The following PRTFDC1 variants were observed in gnomAD, a reference collection of about 807,000 sequenced individuals.
PRTFDC1 encodes phosphoribosyl transferase domain containing 1.
Under a neutral mutation model 34.6 loss-of-function variants are expected in PRTFDC1, and 38 were observed. That is an observed-to-expected ratio of 1.10 (90% CI 0.85 to 1.44). The LOEUF is 1.44. Ranked by LOEUF, PRTFDC1 falls within the 40% of genes most tolerant of loss-of-function variation. The probability of loss-of-function intolerance (pLI) is 0.00; values close to 1 mark genes in which losing one functional copy is unlikely to be tolerated. For synonymous variants in PRTFDC1, 93 were observed against 98.1 expected (o/e 0.95, Z 0.31); for missense variants, 270 against 283.0 (o/e 0.95, Z 0.33).
chr10:24,872,936 T>A (rs1247731307), intron 3 of PRTFDC1, among the ~76,000 whole-genome samples: 1 of 150,908 alleles, frequency 6.6e-6, no homozygotes, highest in Non-Finnish European at 1.5e-5. Flanking sequence ...GCTTCCCAAG[T>A]AGCTGAGACT....
rs1273013648 is a variant in PRTFDC1 at position 24,849,053 on chromosome 10, C to A, written c.*791G>T. 1 of 152,210 alleles carries A rather than the reference C, an allele frequency of 6.6e-6. No homozygotes were observed. Among genetic ancestry groups the A allele is most frequent in the Non-Finnish European group, 1.5e-5 (1 of 68,042 alleles). 9.4% of individuals were successfully genotyped at this position (152,210 alleles called of 1,614,324 possible). ...GCATTGAAAGCACTCGCCCCTAATT[C>A]TGCCATTTGCTCATGTCCCACATGA... On this transcript the variant is annotated 3_prime_UTR_variant, in exon 9 of 9. Coordinates refer to ENST00000320152, the MANE Select transcript of PRTFDC1 (RefSeq NM_020200.7).
At chr10:24,890,949 G>C (rs1848250124) in intron 3 of PRTFDC1, among the ~76,000 whole-genome samples, 1 of 152,196 alleles carries the variant, frequency 6.6e-6, no homozygotes, top group Non-Finnish European at 1.5e-5. Context: ...TGGCGGAGGA[G>C]GTGGCAGATG....
At chr10:24,903,761 T>C (rs1028539318) in intron 3 of PRTFDC1, among the ~76,000 whole-genome samples, 9 of 151,612 alleles carry the variant, frequency 5.9e-5, no homozygotes, top group Non-Finnish European at 1.3e-4. Context: ...TGTAGTGCAG[T>C]GCTCCTGGGC....
chr10:24,849,820 CT>C lies in PRTFDC1; in HGVS notation c.*23del, dbSNP rs1207713311. The C allele has an allele frequency of 6.2e-7, 1 of 1,611,952 alleles. No individual in the cohort carries two copies. Among genetic ancestry groups the C allele is most frequent in the East Asian group, 2.2e-5 (1 of 44,864 alleles). Reference sequence around the variant, plus strand: ...GGCGTAAATATGATGCTATCTGGGACTTTAGTGGTGAGAATTCATGTCTTTA... The same window carrying C: ...GGCGTAAATATGATGCTATCTGGGACTTAGTGGTGAGAATTCATGTCTTTA... On this transcript the variant is annotated 3_prime_UTR_variant, in exon 9 of 9. Coordinates refer to ENST00000320152, the MANE Select transcript of PRTFDC1 (RefSeq NM_020200.7).
intron 3 of PRTFDC1, among the ~76,000 whole-genome samples, chr10:24,889,818 T>A (rs1848230780): frequency 6.6e-6 from 1 of 152,202 alleles, no homozygotes; most frequent in African/African-American, 2.4e-5. Context: ...CCTTCAGTAT[T>A]AAGTCATGTC....
chr10:24,867,380 C>T (rs913629867), intron 4 of PRTFDC1, among the ~76,000 whole-genome samples: 1 of 152,204 alleles, frequency 6.6e-6, no homozygotes, highest in Non-Finnish European at 1.5e-5. Context: ...ACTGCTCTCT[C>T]CTCTCTTTCA....
rs770719637 is a variant in PRTFDC1 at position 24,849,885 on chromosome 10, A to G, written c.637T>C (p.Cys213Arg). The change falls in exon 9 of 9, where the codon TGC (cysteine) becomes CGC (arginine). Residue 213 changes from cysteine to arginine, a missense_variant. Physicochemically the swap from Cys to Arg is radical, Grantham distance 180. Coordinates refer to ENST00000320152, the MANE Select transcript of PRTFDC1 (RefSeq NM_020200.7). ...NEYFRDLNHI[C>R]VINEHGKEKY... ...TCTTTACCGTGCTCATTGATGACGC[A>G]TATGTGCTGAAACAATAAAGGATTT... 7 of 1,613,988 alleles carry G rather than the reference A, an allele frequency of 4.3e-6. No individual in the cohort carries two copies. In the South Asian group the frequency reaches 5.5e-5, roughly 13 times the overall value.
At chr10:24,866,762 G>A (rs1276734121) in intron 4 of PRTFDC1, among the ~76,000 whole-genome samples, 5 of 151,418 alleles carry the variant, frequency 3.3e-5, no homozygotes, top group African/African-American at 1.2e-4. Flanking sequence ...CTTCCCTTGT[G>A]AGCTTCCTTT....
intron 3 of PRTFDC1, among the ~76,000 whole-genome samples, chr10:24,884,042 G>A (rs2132529766): frequency 6.6e-6 from 1 of 151,772 alleles, no homozygotes; most frequent in Non-Finnish European, 1.5e-5. Flanking sequence ...ATATTGGCCA[G>A]GCTACTTTAG....
chr10:24,863,883 C>T lies in PRTFDC1; in HGVS notation c.406-5474G>A, dbSNP rs564490384. Among the ~76,000 whole-genome samples the T allele has an allele frequency of 1.3e-3, 198 of 151,950 alleles. No individual in the cohort carries two copies. The South Asian group carries it at 0.021, about 16-fold the overall frequency. Reference sequence around the variant, plus strand: ...TTGAGCCCAGTAGTTTGAGACCAGCCTGGGCAACGTGGCAAAACCCTGTCT... The same window carrying T: ...TTGAGCCCAGTAGTTTGAGACCAGCTTGGGCAACGTGGCAAAACCCTGTCT... On this transcript the variant is annotated intron_variant, in intron 4 of 8. Transcript: ENST00000320152.
At chr10:24,872,725 AATAT>A (rs10609236) in intron 3 of PRTFDC1, among the ~76,000 whole-genome samples, 56 of 139,216 alleles carry the variant, frequency 4.0e-4, no homozygotes, top group South Asian at 1.6e-3. Flanking sequence ...TAATACACAA[AATAT>A]ATATATATAT....
At chr10:24,878,326 C>A (rs529597122) in intron 3 of PRTFDC1, among the ~76,000 whole-genome samples, 1 of 152,130 alleles carries the variant, frequency 6.6e-6, no homozygotes, top group African/African-American at 2.4e-5. Context: ...GCGAATGAGC[C>A]CAGTTCAATC....
At chr10:24,934,244 G>T (rs1849014142) in intron 3 of PRTFDC1, among the ~76,000 whole-genome samples, 1 of 141,366 alleles carries the variant, frequency 7.1e-6, no homozygotes, top group Middle Eastern at 3.6e-3. Flanking sequence ...AGAAGAAGAA[G>T]AAGGAGAAGA....
rs557647662 is a variant in PRTFDC1 at position 24,850,683 on chromosome 10, C to T, written c.630+705G>A. 1.5e-4 allele frequency among the ~76,000 whole-genome samples: 23 copies of T among 152,128 alleles called. No homozygotes were observed. In the South Asian group the frequency reaches 4.8e-3, roughly 32 times the overall value. On this transcript the variant is annotated intron_variant, in intron 8 of 8. Coordinates refer to ENST00000320152, the MANE Select transcript of PRTFDC1 (RefSeq NM_020200.7). ...ATTTATTGGTGGAATACTGGGGTAG[C>T]TCTCAGAATCCAAGGATGAGCTGGG...
chr10:24,869,097 C>T (rs1043384172), intron 4 of PRTFDC1, among the ~76,000 whole-genome samples: 3 of 152,110 alleles, frequency 2.0e-5, no homozygotes, highest in Non-Finnish European at 2.9e-5. Flanking sequence ...TAACCATCGT[C>T]GCTCTACATT....
chr10:24,951,272 C>T (rs1045215635), intron 1 of PRTFDC1, among the ~76,000 whole-genome samples: 2 of 152,092 alleles, frequency 1.3e-5, no homozygotes, highest in African/African-American at 2.4e-5. Context: ...CCTCCTATTG[C>T]ACATATCTCT....
At chr10:24,908,581 G>C (rs1285104552) in intron 3 of PRTFDC1, 46 of 1,612,782 alleles carry the variant, frequency 2.9e-5, no homozygotes, top group Non-Finnish European at 3.7e-5. Flanking sequence ...CTCTCCAGAG[G>C]GTATTTGGAG....
chr10:24,916,430 C>G (rs193177098), intron 3 of PRTFDC1, among the ~76,000 whole-genome samples: 8 of 152,308 alleles, frequency 5.3e-5, no homozygotes, highest in Non-Finnish European at 1.2e-4. Context: ...AAGGCTAACT[C>G]CATACAGTGG....
intron 4 of PRTFDC1, among the ~76,000 whole-genome samples, chr10:24,870,242 G>A (rs1255801174): frequency 6.6e-6 from 1 of 152,054 alleles, no homozygotes; most frequent in Non-Finnish European, 1.5e-5. Context: ...CAAGTAGCTG[G>A]GATTACAGGT....
Sources: gnomAD v4.1 joint callset for allele counts (sites outside exome capture counted in the v4.1 genomes callset) on GRCh38, gnomAD v4.1.1 for gene constraint, MANE v1.5 for transcripts, NCBI Gene and HGNC (gene_info 2026-07-23, HGNC 2026-07-21) for gene names.